Variants in ZNF385D observed in about 807,000 individuals in gnomAD.
ZNF385D encodes zinc finger protein 659.
A neutral mutation model predicts 35.8 loss-of-function variants in ZNF385D; 15 were observed. The observed-to-expected ratio is 0.42, with a 90% CI of 0.28 to 0.64. The LOEUF (loss-of-function observed/expected upper bound fraction) is 0.64. Among genes scored for constraint, ZNF385D ranks in the 30% least tolerant of loss-of-function variants. The pLI is 0.23. For synonymous variants in ZNF385D, 212 were observed against 186.8 expected, an observed-to-expected ratio of 1.13 and a Z score of -1.10; for missense variants, 474 against 494.6, an observed-to-expected ratio of 0.96 and a Z score of 0.39.
At chr3:21,790,213 C>A (rs1459356479) in intron 3 of ZNF385D, among the ~76,000 whole-genome samples, 1 of 150,762 alleles carries the variant, frequency 6.6e-6, no homozygotes, top group Non-Finnish European at 1.5e-5. Flanking sequence ...AAAACTCTTT[C>A]AATATTCTGA....
At chr3:21,876,660 T>G (rs894234901) in intron 3 of ZNF385D, among the ~76,000 whole-genome samples, 1 of 151,660 alleles carries the variant, frequency 6.6e-6, no homozygotes, top group East Asian at 1.9e-4. Flanking sequence ...GGATAGAAAA[T>G]AGTACAGGGG....
At chr3:21,966,060 C>T (rs1576028875) in intron 3 of ZNF385D, among the ~76,000 whole-genome samples, 2 of 152,140 alleles carry the variant, frequency 1.3e-5, no homozygotes, top group Non-Finnish European at 2.9e-5. Context: ...TAGATCTTTA[C>T]TCCTTGTCTC....
intron 2 of ZNF385D, among the ~76,000 whole-genome samples, chr3:22,240,435 G>A (rs1699431636): frequency 6.6e-6 from 1 of 150,776 alleles, no homozygotes; most frequent in African/African-American, 2.5e-5. Flanking sequence ...CAGCTGTTCT[G>A]ACCAGTTCCA....
At chr3:22,107,054 TG>T (rs1702259981) in intron 3 of ZNF385D, among the ~76,000 whole-genome samples, 1 of 124,024 alleles carries the variant, frequency 8.1e-6, no homozygotes. Flanking sequence ...GACAGAGTTT[TG>T]CTCTTGTTGC....
At chr3:22,150,527 G>C (rs1183777534) in intron 3 of ZNF385D, among the ~76,000 whole-genome samples, 2 of 151,998 alleles carry the variant, frequency 1.3e-5, no homozygotes, top group African/African-American at 4.8e-5. Context: ...CCTAGGTTTT[G>C]AATAGAAGTT....
At chr3:22,060,713 T>C (rs1699645474) in intron 3 of ZNF385D, among the ~76,000 whole-genome samples, 1 of 152,024 alleles carries the variant, frequency 6.6e-6, no homozygotes, top group African/African-American at 2.4e-5. Context: ...AAATTAAAGA[T>C]ATATAATATA....
chr3:21,440,524 G>A (rs527953307), intron 4 of ZNF385D, among the ~76,000 whole-genome samples: 2 of 152,174 alleles, frequency 1.3e-5, no homozygotes, highest in East Asian at 3.9e-4. Context: ...TCCTGAATGA[G>A]ATTCTAGGGC....
chr3:21,439,140 T>C (rs1249876040), intron 4 of ZNF385D, among the ~76,000 whole-genome samples: 1 of 152,032 alleles, frequency 6.6e-6, no homozygotes, highest in Non-Finnish European at 1.5e-5. Context: ...TCATTTTTTA[T>C]TGTATAAATT....
At chr3:21,584,650 C>T (rs1053226721) in intron 2 of ZNF385D, among the ~76,000 whole-genome samples, 4 of 152,122 alleles carry the variant, frequency 2.6e-5, no homozygotes, top group Non-Finnish European at 5.9e-5. Context: ...ATATATAAAC[C>T]ATGTTTTTCT....
At chr3:22,178,591 A>G (rs1461873847) in intron 2 of ZNF385D, among the ~76,000 whole-genome samples, 1 of 151,930 alleles carries the variant, frequency 6.6e-6, no homozygotes, top group Non-Finnish European at 1.5e-5. Context: ...GTTTAATTAG[A>G]TCCCATTTGT....
rs1183440640 is a variant in ZNF385D, at chr3:21,636,378, T to TTATATATA, written c.165+28500_165+28507dup. On this transcript the variant is annotated intron_variant, in intron 2 of 7. Coordinates refer to ENST00000281523, the MANE Select transcript of ZNF385D (RefSeq NM_024697.3). ...ATTATATATGATTATATATATATGA[T>TTATATATA]TATATATATATATATATATATATAT... Among the ~76,000 whole-genome samples the TTATATATA allele has an allele frequency of 7.0e-3, 336 of 47,960 alleles. 11 individuals carry two copies. The highest frequency in any genetic ancestry group is 0.023 in the African/African-American group (255 of 11,084). 31.5% of individuals were successfully genotyped at this position (47,960 alleles called of 152,430 possible). A position where few individuals can be genotyped will look rare whatever the true frequency, so the allele number is the denominator to read the frequency against.
intron 1 of ZNF385D, among the ~76,000 whole-genome samples, chr3:21,718,583 A>G (rs1186011074): frequency 6.6e-6 from 1 of 152,234 alleles, no homozygotes; most frequent in Non-Finnish European, 1.5e-5. Flanking sequence ...TAGATGAGAA[A>G]ATGGAACTTC....
chr3:21,943,910 A>C (rs542097835), intron 3 of ZNF385D, among the ~76,000 whole-genome samples: 2 of 152,338 alleles, frequency 1.3e-5, no homozygotes, highest in East Asian at 3.9e-4. Context: ...TGACTGTGTT[A>C]AAAATTCAAT....
At chr3:21,744,452 T>A (rs62236193) in intron 1 of ZNF385D, among the ~76,000 whole-genome samples, 45,313 of 152,112 alleles carry the variant, frequency 0.3, 7,325 homozygotes, top group Middle Eastern at 0.45. Flanking sequence ...ATTGTATTCA[T>A]TTTCTTCTGC....
At chr3:22,312,473 G>A (rs558825864) in intron 2 of ZNF385D, among the ~76,000 whole-genome samples, 199 of 151,982 alleles carry the variant, frequency 1.3e-3, no homozygotes, top group Admixed American at 4.4e-3. Flanking sequence ...GCAACCTACA[G>A]AATGGGAGAA....
intron 3 of ZNF385D, among the ~76,000 whole-genome samples, chr3:21,877,023 C>T (rs1698012887): frequency 6.6e-6 from 1 of 152,032 alleles, no homozygotes; most frequent in Non-Finnish European, 1.5e-5. Context: ...TTCTATGATC[C>T]ATTTGCTTTT....
At chr3:21,756,937 A>C (rs2125573662) in intron 3 of ZNF385D, among the ~76,000 whole-genome samples, 1 of 152,240 alleles carries the variant, frequency 6.6e-6, no homozygotes, top group Non-Finnish European at 1.5e-5. Context: ...CTCCTAAATC[A>C]ATTTTATGAC....
intron 1 of ZNF385D, among the ~76,000 whole-genome samples, chr3:21,721,284 C>G (rs1318724965): frequency 6.6e-6 from 1 of 151,800 alleles, no homozygotes; most frequent in Non-Finnish European, 1.5e-5. Context: ...AGGTAGAACG[C>G]TGAAGCAGAG....
chr3:22,309,739 A>T (rs1457465447), intron 2 of ZNF385D, among the ~76,000 whole-genome samples: 2 of 151,956 alleles, frequency 1.3e-5, no homozygotes, highest in East Asian at 3.9e-4. Context: ...CACTCTTTTG[A>T]AAAGAGTAGT....
Sources: allele counts gnomAD v4.1 joint callset (sites outside exome capture counted in the v4.1 genomes callset), GRCh38; gene constraint gnomAD v4.1.1; transcripts MANE v1.5; gene names NCBI Gene and HGNC (gene_info 2026-07-23, HGNC 2026-07-21).